The following CACNA1B variants were observed in gnomAD, a reference collection of about 807,000 sequenced individuals.
CACNA1B encodes voltage-dependent N-type calcium channel subunit alpha-1B.
In CACNA1B, 70 loss-of-function variants were observed where a neutral mutation model predicts 247.2. The ratio of observed to expected loss-of-function variants is 0.28; its 90% CI spans 0.23 to 0.35. The LOEUF (loss-of-function observed/expected upper bound fraction) is 0.35. CACNA1B is among the 10% of genes least tolerant of loss of function. The pLI, the probability that CACNA1B is intolerant of heterozygous loss-of-function variation, is 1.00. For missense variants in CACNA1B, 2,367 were observed against 3,197.4 expected (o/e 0.74, Z 6.26); for synonymous variants, 1,231 against 1,294.4 (o/e 0.95, Z 1.05).
At chr9:138,110,102 G>GAT (rs34989754) in intron 39 of CACNA1B, among the ~76,000 whole-genome samples, 26,590 of 144,328 alleles carry the variant, frequency 0.18, 2,882 homozygotes, top group Middle Eastern at 0.32. Context: ...TTTGCTATAT[G>GAT]ATATATATAT....
At chr9:137,925,372 G>A (rs879587122) in intron 6 of CACNA1B, among the ~76,000 whole-genome samples, 1 of 152,214 alleles carries the variant, frequency 6.6e-6, no homozygotes, top group Non-Finnish European at 1.5e-5. Context: ...CAGCAGAAAT[G>A]TGTAGTCTGC....
rs947478078 is a variant in CACNA1B at position 137,961,046 on chromosome 9, A to G, written c.1333+3359A>G. Among the ~76,000 whole-genome samples the G allele has an allele frequency of 4.0e-5, 6 of 151,512 alleles. No individual in the cohort carries two copies. The East Asian group carries it at 1.2e-3, about 29-fold the overall frequency. ...CGTTCATGGCCTTTGCCTACTTTTT[A>G]ATGGGGTTGTTTGTTCTCTCAGCAC... On this transcript the variant is annotated intron_variant, in intron 10 of 46. Coordinates refer to ENST00000371372, the MANE Select transcript of CACNA1B (RefSeq NM_000718.4).
At chr9:137,912,414 G>C (rs927591423) in intron 3 of CACNA1B, among the ~76,000 whole-genome samples, 1 of 152,224 alleles carries the variant, frequency 6.6e-6, no homozygotes, top group South Asian at 2.1e-4. Flanking sequence ...CAAGAGGAAG[G>C]CTTGAGGTAG....
At chr9:137,907,951 T>C (rs1000033378) in intron 3 of CACNA1B, among the ~76,000 whole-genome samples, 17 of 152,244 alleles carry the variant, frequency 1.1e-4, no homozygotes, top group Admixed American at 1.0e-3. Flanking sequence ...TTTCCATGAT[T>C]TGGAACGGCG....
rs1956907233 is a variant in CACNA1B at position 137,880,808 on chromosome 9, G to C, written c.390+1649G>C. Among the ~76,000 whole-genome samples, 2 of 152,164 alleles carry C rather than the reference G, an allele frequency of 1.3e-5. No individual in the cohort carries two copies. Among genetic ancestry groups the C allele is most frequent in the Non-Finnish European group, 2.9e-5 (2 of 68,006 alleles). The stretch of plus-strand genomic sequence containing the variant: ...GCTGCTGCCCACAGAGCAGGCCGAG[G>C]CTGGGTGGTGCAGGGGCAGCCCCTC... On this transcript the variant is annotated intron_variant, in intron 2 of 46. Coordinates refer to ENST00000371372, the MANE Select transcript of CACNA1B (RefSeq NM_000718.4). The surrounding 1 kb of genome is among the most constrained non-coding windows in gnomAD (Gnocchi z 4.8).
chr9:137,921,093 T>G (rs1957472107), intron 6 of CACNA1B, among the ~76,000 whole-genome samples: 1 of 152,054 alleles, frequency 6.6e-6, no homozygotes, highest in Non-Finnish European at 1.5e-5. Flanking sequence ...TGTTTAAAAC[T>G]ATGTGAGAGG....
intron 35 of CACNA1B, 51 bp downstream of exon 35, chr9:138,075,961 G>A: frequency 1.6e-6 from 2 of 1,216,096 alleles, no homozygotes; most frequent in Non-Finnish European, 2.4e-6. Context: ...GTCGGGGGCT[G>A]CTTTACTCAG....
At chr9:138,004,338 A>G (rs552982355) in intron 15 of CACNA1B, among the ~76,000 whole-genome samples, 1 of 152,084 alleles carries the variant, frequency 6.6e-6, no homozygotes, top group South Asian at 2.1e-4. Flanking sequence ...GCTTGAGCCC[A>G]GGGGTTCAAG....
At chr9:137,949,405 T>C (rs1957851745) in intron 6 of CACNA1B, among the ~76,000 whole-genome samples, 2 of 151,602 alleles carry the variant, frequency 1.3e-5, no homozygotes, top group Admixed American at 1.3e-4. Context: ...CGCTTGTGTG[T>C]CCAGTGTGTG....
At chr9:138,024,721 C>T (rs1239567681) in intron 19 of CACNA1B, among the ~76,000 whole-genome samples, 2 of 152,130 alleles carry the variant, frequency 1.3e-5, no homozygotes, top group South Asian at 2.1e-4. Flanking sequence ...CTCAACTTCC[C>T]GGGCTGAAGC....
chr9:137,939,946 G>C (rs955891214), intron 6 of CACNA1B, among the ~76,000 whole-genome samples: 1 of 151,988 alleles, frequency 6.6e-6, no homozygotes, highest in African/African-American at 2.4e-5. Context: ...AAAGTTCATA[G>C]CCCTAAATAC....
intron 3 of CACNA1B, among the ~76,000 whole-genome samples, chr9:137,886,158 C>T (rs1184415932): frequency 6.6e-6 from 1 of 152,048 alleles, no homozygotes; most frequent in Non-Finnish European, 1.5e-5. Context: ...CTTCCCTTCC[C>T]CGGCTTCCAA....
In CACNA1B at chr9:137,990,110, G is replaced by C. The variant is rs575590717; in HGVS notation, c.1974+3256G>C. Among the ~76,000 whole-genome samples, 2 of 152,152 alleles carry C rather than the reference G, an allele frequency of 1.3e-5. No homozygotes were observed. Among genetic ancestry groups the C allele is most frequent in the African/African-American group, 4.8e-5 (2 of 41,436 alleles). ...CTGGAAATAGACTCAGTGCTGTTGGGGGTGGGCACGGTAGGAGTGAGACCA... is the reference window on the plus strand; with the variant it reads ...CTGGAAATAGACTCAGTGCTGTTGGCGGTGGGCACGGTAGGAGTGAGACCA... On this transcript the variant is annotated intron_variant, in intron 15 of 46. Transcript: ENST00000371372. The surrounding 1 kb of genome is among the most constrained non-coding windows in gnomAD (Gnocchi z 4.5).
chr9:137,912,207 C>T (rs954001947), intron 3 of CACNA1B, among the ~76,000 whole-genome samples: 8 of 152,206 alleles, frequency 5.3e-5, no homozygotes, highest in East Asian at 3.8e-4. Flanking sequence ...AACGGACATG[C>T]GTGATACTCA....
intron 6 of CACNA1B, among the ~76,000 whole-genome samples, chr9:137,937,297 A>C (rs530245718): frequency 1.3e-5 from 2 of 152,222 alleles, no homozygotes; most frequent in African/African-American, 4.8e-5. Flanking sequence ...AATGCTCTGG[A>C]AAGTCTCAGC....
rs202065487 is a variant in CACNA1B at position 138,013,260 on chromosome 9, G to C, written c.2267+25G>C. The C allele has an allele frequency of 1.3e-3, 1,998 of 1,529,870 alleles. 30 individuals carry two copies. In the South Asian group the frequency reaches 0.016, roughly 12 times the overall value. The allele number at this position is 1,529,870 out of a possible 1,614,324, so 94.8% of individuals were successfully genotyped here. A position where few individuals can be genotyped will look rare whatever the true frequency, so the allele number is the denominator to read the frequency against. ...CGTAAGGCTCCTAGGAGTGGATTGT[G>C]GGGTGGCAGTGGGGCTGCTGCAGGG... On this transcript the variant is annotated intron_variant, in intron 18 of 46. Coordinates refer to ENST00000371372, the MANE Select transcript of CACNA1B (RefSeq NM_000718.4).
At chr9:138,107,099 C>T (rs1232567677) in intron 39 of CACNA1B, among the ~76,000 whole-genome samples, 1 of 152,160 alleles carries the variant, frequency 6.6e-6, no homozygotes, top group Non-Finnish European at 1.5e-5. Flanking sequence ...ATCATCTCAC[C>T]TATTCCCATG....
chr9:137,901,409 C>T (rs1324013342), intron 3 of CACNA1B, among the ~76,000 whole-genome samples: 1 of 152,142 alleles, frequency 6.6e-6, no homozygotes, highest in African/African-American at 2.4e-5. Flanking sequence ...GCAACCTCCA[C>T]CGCCCTCCCG....
In CACNA1B at chr9:138,102,934, C is replaced by T; in HGVS notation, c.5319+127C>T. 1 of 593,346 alleles carries T rather than the reference C, an allele frequency of 1.7e-6. No homozygotes were observed. Among genetic ancestry groups the T allele is most frequent in the East Asian group, 3.0e-5 (1 of 33,452 alleles). 36.8% of individuals were successfully genotyped at this position (593,346 alleles called of 1,614,324 possible). ...TGTCTGTCTGCCGCTCTGCTGTGCG[C>T]CCCCGGCTGCCTCACTGTGTCTTTC... On this transcript the variant is annotated intron_variant, in intron 38 of 46. Coordinates refer to ENST00000371372, the MANE Select transcript of CACNA1B (RefSeq NM_000718.4). The surrounding 1 kb of genome is among the most constrained non-coding windows in gnomAD (Gnocchi z 5.4).
Sources: allele counts gnomAD v4.1 joint callset (sites outside exome capture counted in the v4.1 genomes callset), GRCh38; gene constraint gnomAD v4.1.1; non-coding constraint Gnocchi (gnomAD v3.1); transcripts MANE v1.5; gene names NCBI Gene and HGNC (gene_info 2026-07-23, HGNC 2026-07-21).